FLNB: variants seen among roughly 807,000 people sequenced by gnomAD.
The protein encoded by FLNB is filamin B.
Under a neutral mutation model 250.6 loss-of-function variants are expected in FLNB, and 111 were observed. That is an observed-to-expected ratio of 0.44 (90% CI 0.38 to 0.52). The LOEUF (loss-of-function observed/expected upper bound fraction) is 0.52. Ranked by LOEUF, FLNB falls within the 20% of genes least tolerant of loss-of-function variation. The probability of loss-of-function intolerance (pLI) is 0.00; values close to 1 mark genes in which losing one functional copy is unlikely to be tolerated. For missense variants in FLNB, 2,869 were observed against 3,447.8 expected (o/e 0.83, Z 4.20); for synonymous variants, 1,302 against 1,372.1 (o/e 0.95, Z 1.13).
rs144637362 is a variant in FLNB at position 58,054,408 on chromosome 3, A to T, written c.293-22638A>T. On this transcript the variant is annotated intron_variant, in intron 1 of 45. Coordinates refer to ENST00000295956, the MANE Select transcript of FLNB (RefSeq NM_001457.4). ...ACTTCTATTGAACAGCAGTTGTATTAGTCCGTTCTCAACACTGCTGTGAAG... is the reference window on the plus strand; with the variant it reads ...ACTTCTATTGAACAGCAGTTGTATTTGTCCGTTCTCAACACTGCTGTGAAG... Among the ~76,000 whole-genome samples, 3 of 152,312 alleles carry T rather than the reference A, an allele frequency of 2.0e-5. No individual in the cohort carries two copies. The East Asian group carries it at 5.8e-4, about 29-fold the overall frequency.
chr3:58,100,373 A>AAAAATAATATATATATATATATAT, intron 8 of FLNB, among the ~76,000 whole-genome samples: 1 of 104,386 alleles, frequency 9.6e-6, no homozygotes, highest in Admixed American at 1.0e-4. Context: ...GTAAAAAAAA[A>AAAAATAATATATATATATATATAT]ATATATATAT....
At chr3:58,072,612 T>C (rs943620665) in intron 1 of FLNB, among the ~76,000 whole-genome samples, 5 of 152,206 alleles carry the variant, frequency 3.3e-5, no homozygotes, top group African/African-American at 1.2e-4. Context: ...CAAGTCGCCA[T>C]CTTTTTATTG....
chr3:58,120,445 G>C (rs1322939470), intron 19 of FLNB, among the ~76,000 whole-genome samples: 1 of 152,228 alleles, frequency 6.6e-6, no homozygotes, highest in African/African-American at 2.4e-5. Context: ...TCAGAGTCAA[G>C]GTTCTCTGGG....
chr3:58,121,145 G>A, intron 19 of FLNB, 96 bp from the exon 20 acceptor site: 1 of 1,515,640 alleles, frequency 6.6e-7, no homozygotes, highest in South Asian at 1.1e-5. Context: ...GCTGAGATAA[G>A]TCCCCGTGTC....
Position 58,123,564 on chromosome 3 carries a change from G to A in FLNB, c.3598G>A (p.Gly1200Ser), listed in dbSNP as rs2097292538. 4.4e-6 allele frequency: 7 copies of A among 1,609,162 alleles called. No individual in the cohort carries two copies. The highest frequency in any genetic ancestry group is 4.2e-6 in the Non-Finnish European group (5 of 1,178,510). Residue 1200 changes from glycine (G) to serine (S), a missense_variant, in exon 21 of 46, where the codon GGC becomes AGC. Gly to Ser is a moderately conservative substitution (Grantham distance 56, BLOSUM62 0). This residue lies in a region of FLNB where 1,348 missense variants were observed against 1,466.7 expected (regional missense o/e 0.92). Transcript: ENST00000295956. ...YAVTYVPLTA[G>S]MYTLTMKYGG... ...GGTGACCTACGTGCCCCTGACGGCC[G>A]GCATGTACACGTTGACCATGAAGTA...
chr3:58,116,060 G>A (rs920325397), intron 18 of FLNB, among the ~76,000 whole-genome samples: 20 of 152,038 alleles, frequency 1.3e-4, no homozygotes, highest in Non-Finnish European at 2.2e-4. Flanking sequence ...GTGAGTGAGC[G>A]AATAAATGAC....
chr3:58,061,322 C>T (rs1410322847), intron 1 of FLNB, among the ~76,000 whole-genome samples: 1 of 152,088 alleles, frequency 6.6e-6, no homozygotes, highest in Non-Finnish European at 1.5e-5. Flanking sequence ...GTTGATTTTC[C>T]CACGTTAGTA....
At chr3:58,138,658 C>T (rs1405510339) in intron 29 of FLNB, 129 bp downstream of exon 29, 8 of 1,148,390 alleles carry the variant, frequency 7.0e-6, no homozygotes, top group South Asian at 1.2e-5. Context: ...GTTAAGCAGT[C>T]ATGACCTTGT....
chr3:58,147,015 G>C (rs890807422), intron 34 of FLNB, 22 bp downstream of exon 34: 1 of 1,613,000 alleles, frequency 6.2e-7, no homozygotes, highest in African/African-American at 1.3e-5. Flanking sequence ...TGGCTTCTGG[G>C]GTCTTCCTCG....
Position 58,150,086 on chromosome 3 carries a change from G to A in FLNB, c.6245-19G>A, listed in dbSNP as rs2097342380. The A allele has an allele frequency of 1.9e-6, 3 of 1,614,160 alleles. No individual in the cohort carries two copies. In the African/African-American group the frequency reaches 4.0e-5, roughly 22 times the overall value. ...CTTGGCCTCTGGCCTGCTCACAGGA[G>A]CCTTCTTGGGTCTTGCAGGGAGCCC... On this transcript the variant is annotated intron_variant, in intron 37 of 45. Coordinates refer to ENST00000295956, the MANE Select transcript of FLNB (RefSeq NM_001457.4).
chr3:58,070,050 T>TTTCTTTC (rs66983238), intron 1 of FLNB, among the ~76,000 whole-genome samples: 2 of 73,476 alleles, frequency 2.7e-5, no homozygotes, highest in African/African-American at 1.0e-4. Flanking sequence ...TCTTTCTTTC[T>TTTCTTTC]TTTTTTTTTT....
At chr3:58,101,028 T>G (rs1250144427) in intron 8 of FLNB, among the ~76,000 whole-genome samples, 1 of 152,202 alleles carries the variant, frequency 6.6e-6, no homozygotes, top group Non-Finnish European at 1.5e-5. Context: ...AATTATTTTA[T>G]GTTAAAAGAA....
intron 1 of FLNB, among the ~76,000 whole-genome samples, chr3:58,016,986 A>G (rs1256584292): frequency 6.6e-6 from 1 of 152,240 alleles, no homozygotes; most frequent in East Asian, 1.9e-4. Context: ...AGGTTATTGT[A>G]TAATAAACAA....
chr3:58,116,525 T>C (rs572406306), intron 18 of FLNB, among the ~76,000 whole-genome samples: 46 of 152,198 alleles, frequency 3.0e-4, no homozygotes, highest in Admixed American at 1.8e-3. Flanking sequence ...GCAAAGTCCC[T>C]GAGTGACAGC....
intron 40 of FLNB, among the ~76,000 whole-genome samples, chr3:58,155,597 CAT>C (rs1371416156): frequency 2.0e-5 from 3 of 152,112 alleles, no homozygotes; most frequent in Non-Finnish European, 4.4e-5. Context: ...TGATGTAAGT[CAT>C]ATGTACTTAT....
chr3:58,011,483 A>AC (rs1295096637), intron 1 of FLNB, among the ~76,000 whole-genome samples: 59 of 152,306 alleles, frequency 3.9e-4, no homozygotes, highest in African/African-American at 1.4e-3. Flanking sequence ...AGATCTTGCA[A>AC]CAAACAGGTT....
chr3:58,097,506 C>T (rs2097241027), intron 6 of FLNB, among the ~76,000 whole-genome samples: 1 of 152,132 alleles, frequency 6.6e-6, no homozygotes, highest in South Asian at 2.1e-4. Flanking sequence ...CCATTCAGCC[C>T]CCGAAAGGAC....
Position 58,077,193 on chromosome 3 carries a change from G to T in FLNB, c.440G>T (p.Gly147Val). 1 of 1,614,108 alleles carries T rather than the reference G, an allele frequency of 6.2e-7. No individual in the cohort carries two copies. The highest frequency in any genetic ancestry group is 8.5e-7 in the Non-Finnish European group (1 of 1,180,020). ...CAGACGCCAAAGCAGAGGCTGCTGG[G>T]GTGGATTCAGAACAAGATCCCCTAC... ...KKQTPKQRLL[G>V]WIQNKIPYLP... is the part of the protein sequence containing the mutation. The change falls in exon 2 of 46, where the codon GGG (glycine) becomes GTG (valine). Residue 147 changes from glycine to valine, a missense_variant. Physicochemically the swap from Gly to Val is moderately radical, Grantham distance 109. Transcript: ENST00000295956.
intron 1 of FLNB, among the ~76,000 whole-genome samples, chr3:58,034,080 C>T (rs778338933): frequency 6.6e-5 from 10 of 152,144 alleles, no homozygotes; most frequent in Non-Finnish European, 1.3e-4. Flanking sequence ...ATGCTGGTCT[C>T]GAACTCCTGA....
Sources: allele counts gnomAD v4.1 joint callset (sites outside exome capture counted in the v4.1 genomes callset), GRCh38; gene constraint gnomAD v4.1.1; regional missense constraint gnomAD v4.1.1; transcripts MANE v1.5; gene names NCBI Gene and HGNC (gene_info 2026-07-23, HGNC 2026-07-21).